Variants in CCDC73 observed in about 807,000 individuals in gnomAD.
CCDC73 encodes coiled-coil domain-containing protein 73.
In CCDC73, 95 loss-of-function variants were observed where a neutral mutation model predicts 116.5. That is an observed-to-expected ratio of 0.82 (90% CI 0.69 to 0.97). The LOEUF (loss-of-function observed/expected upper bound fraction) is 0.97. Ranked by LOEUF, CCDC73 falls within the 50% of genes least tolerant of loss-of-function variation. The pLI is 0.00. For missense variants in CCDC73, 1,066 were observed against 1,206.8 expected, an observed-to-expected ratio of 0.88 and a Z score of 1.73; for synonymous variants, 398 against 401.3, an observed-to-expected ratio of 0.99 and a Z score of 0.10.
At chr11:32,745,744 G>GTTTTTTTTTTTTTTTTTT (rs1491140173) in intron 2 of CCDC73, among the ~76,000 whole-genome samples, 1 of 42,686 alleles carries the variant, frequency 2.3e-5, no homozygotes, top group Non-Finnish European at 5.0e-5. Flanking sequence ...TGTTTGTTTT[G>GTTTTTTTTTTTTTTTTTT]GTTTTTTTTT....
intron 1 of CCDC73, among the ~76,000 whole-genome samples, chr11:32,771,818 C>T (rs1850494129): frequency 1.3e-5 from 2 of 152,234 alleles, no homozygotes; most frequent in Admixed American, 1.3e-4. Flanking sequence ...AGGGTCACTT[C>T]TCCCTTCCAG....
intron 16 of CCDC73, 95 bp from the exon 17 acceptor site, chr11:32,611,360 A>T (rs1855421105): frequency 2.9e-6 from 3 of 1,025,594 alleles, no homozygotes; most frequent in East Asian, 2.5e-5. Context: ...TTTTGTATTT[A>T]AAAAGCAACA....
In CCDC73 at chr11:32,760,167, T is replaced by C. The variant is rs1203588971; in HGVS notation, c.77A>G (p.Gln26Arg). 2 of 1,602,900 alleles carry C rather than the reference T, an allele frequency of 1.2e-6. No individual in the cohort carries two copies. Among genetic ancestry groups the C allele is most frequent in the South Asian group, 2.2e-5 (2 of 89,892 alleles). The change falls in exon 2 of 18, where the codon CAG becomes CGG. Residue 26 changes from glutamine to arginine, a missense_variant. Transcript: ENST00000335185. The stretch of plus-strand genomic sequence containing the variant: ...TAAACTTGTTTTGAAATCTAATAGC[T>C]GAATAGAAAACAATGTCTCTGAAGA... ...QSSSETLFSIQLLDFKTSLLE... is the reference protein window; with the variant it reads ...QSSSETLFSIRLLDFKTSLLE...
intron 14 of CCDC73, among the ~76,000 whole-genome samples, chr11:32,631,857 T>TAGGCAGGC (rs1311612843): frequency 6.6e-6 from 1 of 151,752 alleles, no homozygotes; most frequent in African/African-American, 2.4e-5. Context: ...AATAGACATA[T>TAGGCAGGC]AGGCAGGCAG....
intron 13 of CCDC73, among the ~76,000 whole-genome samples, chr11:32,641,659 GTAAAT>G (rs1855733656): frequency 6.6e-6 from 1 of 151,034 alleles, no homozygotes; most frequent in African/African-American, 2.4e-5. Flanking sequence ...TTATGAAAAA[GTAAAT>G]TAATTTTTCT....
chr11:32,792,926 A>AT (rs1850689819), intron 1 of CCDC73, among the ~76,000 whole-genome samples: 1 of 152,152 alleles, frequency 6.6e-6, no homozygotes, highest in Admixed American at 6.5e-5. Context: ...AAATGAGATA[A>AT]CTTCCAGCCC....
At chr11:32,606,095 T>C (rs1474549424) in intron 17 of CCDC73, 1 of 152,176 alleles carries the variant, frequency 6.6e-6, no homozygotes, top group Non-Finnish European at 1.5e-5. Flanking sequence ...TGCAGTAGGC[T>C]AACAATCTAA....
intron 12 of CCDC73, among the ~76,000 whole-genome samples, chr11:32,648,554 C>T (rs1178397593): frequency 4.2e-5 from 6 of 144,574 alleles, no homozygotes; most frequent in Admixed American, 3.5e-4. Context: ...AGTTTATACT[C>T]TTTTTTTTTT....
At chr11:32,766,302 A>G (rs1244635553) in intron 1 of CCDC73, among the ~76,000 whole-genome samples, 1 of 152,310 alleles carries the variant, frequency 6.6e-6, no homozygotes, top group Non-Finnish European at 1.5e-5. Flanking sequence ...TTGATGGAAC[A>G]TATCTCAAAA....
rs577522890 is a variant in CCDC73, at chr11:32,609,613, C to T, written c.3030+1519G>A. 1.8e-4 allele frequency among the ~76,000 whole-genome samples: 28 copies of T among 152,262 alleles called. No individual in the cohort carries two copies. In the South Asian group the frequency reaches 4.6e-3, roughly 25 times the overall value. On this transcript the variant is annotated intron_variant, in intron 17 of 17. Transcript: ENST00000335185. Reference sequence around the variant, plus strand: ...AGTTCCAAAGTTGCTTCCACATTTTCGGGTATCTTTTCAGCAACACTCTGC... The same window carrying T: ...AGTTCCAAAGTTGCTTCCACATTTTTGGGTATCTTTTCAGCAACACTCTGC...
At chr11:32,684,850 T>TG (rs1258414526) in intron 6 of CCDC73, among the ~76,000 whole-genome samples, 1 of 152,010 alleles carries the variant, frequency 6.6e-6, no homozygotes, top group African/African-American at 2.4e-5. Flanking sequence ...TACGCTGGTG[T>TG]GTGCCTGTGA....
At chr11:32,773,993 T>C (rs1035154059) in intron 1 of CCDC73, among the ~76,000 whole-genome samples, 2 of 152,204 alleles carry the variant, frequency 1.3e-5, no homozygotes, top group East Asian at 1.9e-4. Flanking sequence ...GGGGGTTTTA[T>C]CTGGCAGTAT....
chr11:32,607,970 A>ATTCACTATCACAAGAATAT (rs1554960566), intron 17 of CCDC73, among the ~76,000 whole-genome samples: 10 of 152,166 alleles, frequency 6.6e-5, no homozygotes, highest in African/African-American at 1.9e-4. Flanking sequence ...CATGAGACTT[A>ATTCACTATCACAAGAATAT]TTCACTATCA....
intron 1 of CCDC73, among the ~76,000 whole-genome samples, chr11:32,777,015 ATATATAT>A (rs1565099378): frequency 4.6e-5 from 6 of 130,076 alleles, no homozygotes; most frequent in African/African-American, 1.5e-4. Flanking sequence ...ATATATATAT[ATATATAT>A]AATTGAACTT....
At chr11:32,741,863 G>T (rs139639454) in intron 2 of CCDC73, among the ~76,000 whole-genome samples, 29,938 of 151,732 alleles carry the variant, frequency 0.2, 4,043 homozygotes, top group East Asian at 0.66. Flanking sequence ...CTGTGTCCAT[G>T]TGTTCTCATT....
intron 1 of CCDC73, among the ~76,000 whole-genome samples, chr11:32,778,748 G>A (rs72897185): frequency 0.034 from 5,164 of 152,130 alleles, 120 homozygotes; most frequent in East Asian, 0.12. Flanking sequence ...GCAGTCAGCT[G>A]AGATCATGCC....
chr11:32,681,257 C>T (rs1856140102), intron 7 of CCDC73: 1 of 151,922 alleles, frequency 6.6e-6, no homozygotes, highest in African/African-American at 2.4e-5. Context: ...AACACAGACA[C>T]CGATAAATTC....
At chr11:32,745,363 A>G (rs927284327) in intron 2 of CCDC73, among the ~76,000 whole-genome samples, 1 of 152,204 alleles carries the variant, frequency 6.6e-6, no homozygotes, top group Non-Finnish European at 1.5e-5. Flanking sequence ...TGTGGTGCCA[A>G]GAAGAATGTA....
intron 2 of CCDC73, among the ~76,000 whole-genome samples, chr11:32,722,644 G>A (rs1055746694): frequency 1.3e-5 from 2 of 152,066 alleles, no homozygotes; most frequent in Non-Finnish European, 2.9e-5. Context: ...ATTTGTTTTG[G>A]GAAGGAGTGT....
Sources: gnomAD v4.1 joint callset for allele counts (sites outside exome capture counted in the v4.1 genomes callset) on GRCh38, gnomAD v4.1.1 for gene constraint, MANE v1.5 for transcripts, NCBI Gene and HGNC (gene_info 2026-07-23, HGNC 2026-07-21) for gene names.